Variants in BMP3 observed in about 807,000 individuals in gnomAD.
BMP3 encodes the protein bone morphogenetic protein 3 (osteogenic).
BMP3 carries 23 observed loss-of-function variants against 38.1 expected under a neutral mutation model. The observed-to-expected ratio is 0.60, with a 90% confidence interval of 0.43 to 0.86. BMP3 has a LOEUF of 0.86. BMP3 is among the 40% of genes least tolerant of loss of function. BMP3 has a pLI of 0.00. For missense variants in BMP3, 628 were observed against 579.6 expected, an observed-to-expected ratio of 1.08 and a Z score of -0.86; for synonymous variants, 258 against 225.7, an observed-to-expected ratio of 1.14 and a Z score of -1.28.
chr4:81,047,878 A>G (rs1030620063), intron 2 of BMP3, among the ~76,000 whole-genome samples: 3 of 148,706 alleles, frequency 2.0e-5, no homozygotes, highest in Non-Finnish European at 4.5e-5. Context: ...AGTTGGAGTA[A>G]GCTCTGATTG....
At chr4:81,037,589 T>A (rs1739956095) in intron 1 of BMP3, among the ~76,000 whole-genome samples, 1 of 152,162 alleles carries the variant, frequency 6.6e-6, no homozygotes, top group Non-Finnish European at 1.5e-5. Context: ...TGAAGTCCTA[T>A]ATAAATTAGG....
intron 1 of BMP3, among the ~76,000 whole-genome samples, chr4:81,036,101 T>C (rs1435378527): frequency 1.3e-5 from 2 of 152,038 alleles, no homozygotes; most frequent in Non-Finnish European, 2.9e-5. Context: ...TAAATTTTAT[T>C]TTTTCCTATA....
intron 1 of BMP3, among the ~76,000 whole-genome samples, chr4:81,042,335 T>C (rs1477140116): frequency 3.3e-5 from 5 of 152,206 alleles, no homozygotes; most frequent in Non-Finnish European, 7.3e-5. Context: ...ATACTTTCTG[T>C]GTGCTTTATG....
rs533904915 is a variant in BMP3 at position 81,035,131 on chromosome 4, C to CCTTT, written c.316+3531_316+3532insCTTT. 4.5e-3 allele frequency among the ~76,000 whole-genome samples: 691 copies of CCTTT among 152,194 alleles called. 7 individuals carry two copies. Among genetic ancestry groups the CCTTT allele is most frequent in the African/African-American group, 0.016 (672 of 41,550 alleles). On this transcript the variant is annotated intron_variant, in intron 1 of 2. Coordinates refer to ENST00000282701, the MANE Select transcript of BMP3 (RefSeq NM_001201.5). ...TTTGAATTACACACTACTCTGAATA[C>CCTTT]ATGATAGCCTTTAATGAAGTTTTTA...
At position 81,031,036 on chromosome 4, in the gene BMP3, G is replaced by T. The variant is rs1418724424; in HGVS notation, c.-249G>T. 3 of 503,922 alleles carry T rather than the reference G, an allele frequency of 6.0e-6. No individual in the cohort carries two copies. The highest frequency in any genetic ancestry group is 1.0e-5 in the Non-Finnish European group (3 of 289,718). The allele number at this position is 503,922 out of a possible 1,614,324, so 31.2% of individuals were successfully genotyped here. On this transcript the variant is annotated 5_prime_UTR_variant, in exon 1 of 3. Transcript: ENST00000282701. The stretch of plus-strand genomic sequence containing the variant: ...TTCTCAGCGTTGGAGTGGAGACGGC[G>T]CCCGCAGCGCCCTGCGCGGGTGAGG...
chr4:81,050,120 G>A (rs1388785285), intron 2 of BMP3, among the ~76,000 whole-genome samples: 1 of 152,196 alleles, frequency 6.6e-6, no homozygotes, highest in African/African-American at 2.4e-5. Flanking sequence ...CACCCATGTG[G>A]GCTGGACTGG....
chr4:81,040,076 T>C (rs982223483), intron 1 of BMP3, among the ~76,000 whole-genome samples: 3 of 152,154 alleles, frequency 2.0e-5, no homozygotes, highest in African/African-American at 7.2e-5. Context: ...AGAGTATAGC[T>C]TGTTCAGAAA....
chr4:81,051,388 C>A (rs931855779), intron 2 of BMP3, among the ~76,000 whole-genome samples: 2 of 152,108 alleles, frequency 1.3e-5, no homozygotes, highest in African/African-American at 4.8e-5. Flanking sequence ...TCAGGAACAG[C>A]AATGCACAGG....
chr4:81,032,428 C>T (rs556974323), intron 1 of BMP3, among the ~76,000 whole-genome samples: 1 of 152,220 alleles, frequency 6.6e-6, no homozygotes, highest in Admixed American at 6.5e-5. Context: ...TTCTCCTAGC[C>T]CCTGTGGTGA....
chr4:81,049,468 A>G (rs549044505), intron 2 of BMP3, among the ~76,000 whole-genome samples: 9 of 152,070 alleles, frequency 5.9e-5, no homozygotes, highest in Non-Finnish European at 1.0e-4. Flanking sequence ...GGGCATCAGA[A>G]CTCCAGGGAG....
At chr4:81,050,299 G>A (rs1368431660) in intron 2 of BMP3, among the ~76,000 whole-genome samples, 1 of 152,218 alleles carries the variant, frequency 6.6e-6, no homozygotes, top group Admixed American at 6.5e-5. Flanking sequence ...AGACACGGCA[G>A]TTTGGATTTT....
rs1302878493 is a variant in BMP3 at position 81,056,868 on chromosome 4, T to C, written c.*3332T>C. On this transcript the variant is annotated 3_prime_UTR_variant, in exon 3 of 3. Coordinates refer to ENST00000282701, the MANE Select transcript of BMP3 (RefSeq NM_001201.5). ...CTAAGAGTCTGATTTATTAAAAATA[T>C]TTGTATAATTCATTCAGTTTAGTTT... is the stretch of plus-strand genomic sequence containing the variant. The C allele has an allele frequency of 6.6e-6, 1 of 152,602 alleles. No homozygotes were observed. The highest frequency in any genetic ancestry group is 1.5e-5 in the Non-Finnish European group (1 of 68,032). The allele number at this position is 152,602 out of a possible 1,614,324, so 9.5% of individuals were successfully genotyped here.
intron 1 of BMP3, among the ~76,000 whole-genome samples, chr4:81,033,613 T>C (rs909577083): frequency 1.3e-5 from 2 of 152,170 alleles, no homozygotes; most frequent in African/African-American, 2.4e-5. Context: ...TGTTACCTCA[T>C]TGAGGCTCCT....
chr4:81,031,122 G>A lies in BMP3; in HGVS notation c.-163G>A, dbSNP rs1178536987. 2 of 718,190 alleles carry A rather than the reference G, an allele frequency of 2.8e-6. No homozygotes were observed. Among genetic ancestry groups the A allele is most frequent in the African/African-American group, 1.8e-5 (1 of 54,448 alleles). 44.5% of individuals were successfully genotyped at this position (718,190 alleles called of 1,614,324 possible). Reference sequence around the variant, plus strand: ...GCTGCGCTGGGTCAGCGCAGCAAGTGGGGCTGGCCGCTATCTCGCTGCACC... The same window carrying A: ...GCTGCGCTGGGTCAGCGCAGCAAGTAGGGCTGGCCGCTATCTCGCTGCACC... On this transcript the variant is annotated 5_prime_UTR_variant, in exon 1 of 3. Transcript: ENST00000282701.
At chr4:81,052,675 T>G (rs977525896) in intron 2 of BMP3, among the ~76,000 whole-genome samples, 1 of 152,100 alleles carries the variant, frequency 6.6e-6, no homozygotes, top group Non-Finnish European at 1.5e-5. Flanking sequence ...GCCAATGGTG[T>G]GGTCTTCTTA....
At position 81,056,016 on chromosome 4, in the gene BMP3, C is replaced by T. The variant is rs1314936945; in HGVS notation, c.*2480C>T. ...TTCCCAAAGAATAAAGCAAGATTATCTTTCAGTAGTAGAGATTGAAGTAAA... is the reference window on the plus strand; with the variant it reads ...TTCCCAAAGAATAAAGCAAGATTATTTTTCAGTAGTAGAGATTGAAGTAAA... On this transcript the variant is annotated 3_prime_UTR_variant, in exon 3 of 3. Coordinates refer to ENST00000282701, the MANE Select transcript of BMP3 (RefSeq NM_001201.5). The T allele has an allele frequency of 2.0e-5, 3 of 152,018 alleles. No homozygotes were observed. The highest frequency in any genetic ancestry group is 2.9e-5 in the Non-Finnish European group (2 of 68,002). The allele number at this position is 152,018 out of a possible 1,614,324, so 9.4% of individuals were successfully genotyped here. A position where few individuals can be genotyped will look rare whatever the true frequency, so the allele number is the denominator to read the frequency against.
intron 1 of BMP3, among the ~76,000 whole-genome samples, chr4:81,039,862 G>A (rs1379709527): frequency 6.6e-6 from 1 of 152,182 alleles, no homozygotes; most frequent in Non-Finnish European, 1.5e-5. Flanking sequence ...ATGGCCTTAA[G>A]AAGGAGCAAA....
Position 81,030,735 on chromosome 4 carries a change from GCA to G in BMP3, c.-544_-543del, listed in dbSNP as rs1162319895. Among the ~76,000 whole-genome samples, 3 of 151,132 alleles carry G rather than the reference GCA, an allele frequency of 2.0e-5. No homozygotes were observed. Among genetic ancestry groups the G allele is most frequent in the East Asian group, 4.0e-4 (2 of 5,050 alleles). The stretch of plus-strand genomic sequence containing the variant: ...CTCTCTCTCATACACACACACACAC[GCA>G]CACACGCGCGCGCGCGCGCGCACAC... On this transcript the variant is annotated 5_prime_UTR_variant, in exon 1 of 3. Transcript: ENST00000282701.
intron 1 of BMP3, among the ~76,000 whole-genome samples, chr4:81,033,375 A>G (rs1739828714): frequency 6.6e-6 from 1 of 152,218 alleles, no homozygotes; most frequent in South Asian, 2.1e-4. Flanking sequence ...CATTCCTTGC[A>G]GTATTCCAGA....
Sources: gnomAD v4.1 joint callset for allele counts (sites outside exome capture counted in the v4.1 genomes callset) on GRCh38, gnomAD v4.1.1 for gene constraint, MANE v1.5 for transcripts, NCBI Gene and HGNC (gene_info 2026-07-23, HGNC 2026-07-21) for gene names.